LRMDA: variants seen among roughly 807,000 people sequenced by gnomAD.
The protein encoded by LRMDA is leucine-rich melanocyte differentiation-associated protein.
A neutral mutation model predicts 29.8 loss-of-function variants in LRMDA; 18 were observed. That is an observed-to-expected ratio of 0.60 (90% confidence interval 0.42 to 0.90). LRMDA has a LOEUF of 0.90. Ranked by LOEUF, LRMDA falls within the 40% of genes least tolerant of loss-of-function variation. The pLI is 0.00. For synonymous variants in LRMDA, 125 were observed against 109.4 expected (o/e 1.14, Z -0.89); for missense variants, 273 against 273.9 (o/e 1.00, Z 0.02).
intron 2 of LRMDA, among the ~76,000 whole-genome samples, chr10:75,690,064 C>T (rs1842126112): frequency 6.6e-6 from 1 of 152,082 alleles, no homozygotes; most frequent in South Asian, 2.1e-4. Flanking sequence ...CAAAACAATA[C>T]TTAATATTTG....
Position 76,240,086 on chromosome 10 carries a change from T to C in LRMDA, c.517-84315T>C, listed in dbSNP as rs144261146. On this transcript the variant is annotated intron_variant, in intron 5 of 6. Coordinates refer to ENST00000611255, the MANE Select transcript of LRMDA (RefSeq NM_001305581.2). ...TCAAAAAGTGGACTAAGGACATGTATAGACAATTCTCAAAAAAGATATACA... is the reference window on the plus strand; with the variant it reads ...TCAAAAAGTGGACTAAGGACATGTACAGACAATTCTCAAAAAAGATATACA... Among the ~76,000 whole-genome samples the C allele has an allele frequency of 3.5e-4, 53 of 151,834 alleles. No homozygotes were observed. In the East Asian group the frequency reaches 9.7e-3, roughly 28 times the overall value.
chr10:76,003,061 G>A (rs551133579), intron 2 of LRMDA, among the ~76,000 whole-genome samples: 31 of 152,298 alleles, frequency 2.0e-4, no homozygotes, highest in African/African-American at 5.1e-4. Context: ...GAGGTGGGGC[G>A]TTGGTATTTA....
chr10:75,741,695 T>C (rs1842831696), intron 2 of LRMDA, among the ~76,000 whole-genome samples: 2 of 152,190 alleles, frequency 1.3e-5, no homozygotes, highest in Admixed American at 6.5e-5. Flanking sequence ...CGTTTTGGTG[T>C]CCTACAACCT....
chr10:75,510,673 T>C (rs916180620), intron 2 of LRMDA, among the ~76,000 whole-genome samples: 4 of 152,082 alleles, frequency 2.6e-5, no homozygotes, highest in African/African-American at 7.2e-5. Context: ...TCTTGGCCAG[T>C]TGAATGGATG....
intron 2 of LRMDA, among the ~76,000 whole-genome samples, chr10:75,487,651 C>T (rs767715209): frequency 1.3e-5 from 2 of 152,142 alleles, no homozygotes; most frequent in Non-Finnish European, 2.9e-5. Context: ...TAGCAGGCAG[C>T]GCAGTAGCTA....
At chr10:76,094,626 T>C (rs991454701) in intron 5 of LRMDA, among the ~76,000 whole-genome samples, 5 of 152,188 alleles carry the variant, frequency 3.3e-5, no homozygotes, top group African/African-American at 7.2e-5. Context: ...GGTGCCAGTA[T>C]GAAAATTAAT....
At chr10:75,663,988 C>G (rs1219296389) in intron 2 of LRMDA, among the ~76,000 whole-genome samples, 1 of 152,178 alleles carries the variant, frequency 6.6e-6, no homozygotes, top group Non-Finnish European at 1.5e-5. Flanking sequence ...TACAGTCTTT[C>G]CTATCTGTCT....
intron 6 of LRMDA, among the ~76,000 whole-genome samples, chr10:76,403,723 C>G (rs919340505): frequency 6.6e-6 from 1 of 152,054 alleles, no homozygotes; most frequent in South Asian, 2.1e-4. Flanking sequence ...GACCAGGGTT[C>G]TATTTTGTTC....
intron 5 of LRMDA, among the ~76,000 whole-genome samples, chr10:76,059,356 G>C (rs1848668278): frequency 6.6e-6 from 1 of 152,196 alleles, no homozygotes; most frequent in Non-Finnish European, 1.5e-5. Context: ...TCCTTTACCA[G>C]CTGAGTCTGT....
rs148756733 is a variant in LRMDA at position 75,895,340 on chromosome 10, A to G, written c.132-140668A>G. 7.5e-3 allele frequency among the ~76,000 whole-genome samples: 1,143 copies of G among 152,330 alleles called. 10 individuals carry two copies. Among genetic ancestry groups the G allele is most frequent in the Non-Finnish European group, 0.011 (753 of 68,024 alleles). Reference sequence around the variant, plus strand: ...AACACCACAAACAACAAAAGTGAATATTGATTGAGCCCTCACTATATGCCA... The same window carrying G: ...AACACCACAAACAACAAAAGTGAATGTTGATTGAGCCCTCACTATATGCCA... On this transcript the variant is annotated intron_variant, in intron 2 of 6. Transcript: ENST00000611255.
At chr10:76,179,791 G>A (rs1338380496) in intron 5 of LRMDA, among the ~76,000 whole-genome samples, 1 of 152,122 alleles carries the variant, frequency 6.6e-6, no homozygotes, top group Non-Finnish European at 1.5e-5. Context: ...TGCCTTGGAA[G>A]AACCAACTGT....
rs553103652 is a variant in LRMDA at position 76,002,232 on chromosome 10, AC to A, written c.132-33773del. Among the ~76,000 whole-genome samples, 318 of 152,268 alleles carry A rather than the reference AC, an allele frequency of 2.1e-3. 3 individuals carry two copies. Among genetic ancestry groups the A allele is most frequent in the African/African-American group, 7.5e-3 (313 of 41,544 alleles). Reference sequence around the variant, plus strand: ...GCACCAGTCCCATGATGAGGGTCTCACCCATGTGACCTCATCTAACCCCAAT... The same window carrying A: ...GCACCAGTCCCATGATGAGGGTCTCACCATGTGACCTCATCTAACCCCAAT... On this transcript the variant is annotated intron_variant, in intron 2 of 6. Coordinates refer to ENST00000611255, the MANE Select transcript of LRMDA (RefSeq NM_001305581.2).
At chr10:75,996,712 C>A (rs557351469) in intron 2 of LRMDA, among the ~76,000 whole-genome samples, 3 of 151,070 alleles carry the variant, frequency 2.0e-5, no homozygotes, top group East Asian at 1.9e-4. Flanking sequence ...TCTAAAATTA[C>A]GTGTTTTTTT....
At chr10:75,911,610 G>C (rs1034887945) in intron 2 of LRMDA, among the ~76,000 whole-genome samples, 4 of 152,318 alleles carry the variant, frequency 2.6e-5, no homozygotes, top group African/African-American at 9.6e-5. Context: ...CAGCTAATAA[G>C]ATAGGAATTC....
chr10:75,831,186 C>T (rs1362050967), intron 2 of LRMDA, among the ~76,000 whole-genome samples: 1 of 152,122 alleles, frequency 6.6e-6, no homozygotes, highest in Non-Finnish European at 1.5e-5. Context: ...ACTAGGACTA[C>T]AGGCACCTGC....
At chr10:75,492,115 T>C (rs898217765) in intron 2 of LRMDA, among the ~76,000 whole-genome samples, 12 of 152,252 alleles carry the variant, frequency 7.9e-5, no homozygotes, top group African/African-American at 2.7e-4. Flanking sequence ...GTCCCCTTTT[T>C]CTTACATCCG....
intron 2 of LRMDA, among the ~76,000 whole-genome samples, chr10:75,975,377 C>G (rs1320114716): frequency 6.6e-6 from 1 of 152,204 alleles, no homozygotes; most frequent in African/African-American, 2.4e-5. Context: ...CTCCCATTCT[C>G]CCTTCAGCAC....
intron 2 of LRMDA, among the ~76,000 whole-genome samples, chr10:75,561,611 A>T (rs1370369880): frequency 6.7e-6 from 1 of 150,286 alleles, no homozygotes; most frequent in East Asian, 2.0e-4. Flanking sequence ...TAGTTCTTTT[A>T]ATTGTGATGT....
chr10:75,726,540 T>C (rs1842633281), intron 2 of LRMDA, among the ~76,000 whole-genome samples: 1 of 152,178 alleles, frequency 6.6e-6, no homozygotes. Context: ...TCTTACGATT[T>C]CTTACTGGCA....
Sources: allele counts gnomAD v4.1 joint callset (sites outside exome capture counted in the v4.1 genomes callset), GRCh38; gene constraint gnomAD v4.1.1; transcripts MANE v1.5; gene names NCBI Gene and HGNC (gene_info 2026-07-23, HGNC 2026-07-21).